Variants in BCKDHB observed in about 807,000 individuals in gnomAD.
The protein encoded by BCKDHB is 2-oxoisovalerate dehydrogenase subunit beta, mitochondrial.
In BCKDHB, 41 loss-of-function variants were observed where a neutral mutation model predicts 48.5. That is an observed-to-expected ratio of 0.85 (90% CI 0.66 to 1.10). The LOEUF is 1.10. BCKDHB is among the 50% of genes least tolerant of loss of function. The pLI, the probability that BCKDHB is intolerant of heterozygous loss-of-function variation, is 0.00. For missense variants in BCKDHB, 496 were observed against 494.2 expected (o/e 1.00, Z -0.03); for synonymous variants, 201 against 174.8 (o/e 1.15, Z -1.18).
At chr6:80,409,779 G>C in the BCKDHB span, among the ~76,000 whole-genome samples, 1 of 151,104 alleles carries the variant, frequency 6.6e-6, no homozygotes, top group South Asian at 2.1e-4. Flanking sequence ...TTACTTCATA[G>C]ATTTTCCTCT....
chr6:80,253,458 A>G (rs532402674), intron 8 of BCKDHB, among the ~76,000 whole-genome samples: 1,914 of 152,146 alleles, frequency 0.013, 35 homozygotes, highest in African/African-American at 0.044. Flanking sequence ...CTTTCTGGAG[A>G]GAGTTTTATT....
the BCKDHB span, among the ~76,000 whole-genome samples, chr6:80,407,253 CTGTAGCCT>C: frequency 6.6e-6 from 1 of 152,154 alleles, no homozygotes; most frequent in South Asian, 2.1e-4. Flanking sequence ...GTTTTGGTTA[CTGTAGCCT>C]TGTAGCATAG....
chr6:80,214,487 T>C (rs1775078300), intron 8 of BCKDHB, among the ~76,000 whole-genome samples: 1 of 152,176 alleles, frequency 6.6e-6, no homozygotes, highest in South Asian at 2.1e-4. Flanking sequence ...ACTAGCTATT[T>C]TGTTTGAGGC....
the BCKDHB span, among the ~76,000 whole-genome samples, chr6:80,405,874 C>T: frequency 7.7e-3 from 1,174 of 152,176 alleles, 20 homozygotes; most frequent in African/African-American, 0.026. Context: ...ATGTGGAAAA[C>T]GAGCAGGTTT....
At chr6:80,203,699 T>C (rs1774506527) in intron 8 of BCKDHB, among the ~76,000 whole-genome samples, 1 of 152,136 alleles carries the variant, frequency 6.6e-6, no homozygotes, top group Non-Finnish European at 1.5e-5. Flanking sequence ...CTAAGGGTTA[T>C]GTGGAGATTC....
At chr6:80,349,519 C>T (rs945225490), downstream of BCKDHB, among the ~76,000 whole-genome samples, 1 of 152,038 alleles carries the variant, frequency 6.6e-6, no homozygotes, top group African/African-American at 2.4e-5. Flanking sequence ...TAAGAAAGAA[C>T]TTAGATTGGG....
chr6:80,299,375 C>T (rs563118010), intron 9 of BCKDHB, among the ~76,000 whole-genome samples: 15 of 152,228 alleles, frequency 9.9e-5, no homozygotes, highest in South Asian at 6.2e-4. Flanking sequence ...TGTTACCAGA[C>T]GCCACCACTT....
chr6:80,261,370 C>A (rs1777294797), intron 8 of BCKDHB, among the ~76,000 whole-genome samples: 1 of 152,048 alleles, frequency 6.6e-6, no homozygotes, highest in South Asian at 2.1e-4. Flanking sequence ...CAGGGGAAAG[C>A]ATCCTCACTG....
chr6:80,224,271 TATA>T (rs1775586343), intron 8 of BCKDHB, among the ~76,000 whole-genome samples: 1 of 152,212 alleles, frequency 6.6e-6, no homozygotes, highest in Non-Finnish European at 1.5e-5. Context: ...TTCTATCATG[TATA>T]ATAAACTGAT....
Position 80,273,188 on chromosome 6 carries a change from C to G in BCKDHB, c.1005C>G (p.Gly335=). The G allele has an allele frequency of 6.2e-7, 1 of 1,613,534 alleles. No individual in the cohort carries two copies. Among genetic ancestry groups the G allele is most frequent in the East Asian group, 2.2e-5 (1 of 44,844 alleles). Residue 335 remains glycine (G), a synonymous_variant, in exon 9 of 10, where the codon GGC becomes GGG. Transcript: ENST00000320393. ...TCAGTCACGAGGCTCCCTTGACAGG[C>G]GGCTTTGCATCGGAAATCAGCTCTA... The part of the protein sequence containing the change: ...LLISHEAPLT[G]GFASEISSTV...
intron 6 of BCKDHB, among the ~76,000 whole-genome samples, chr6:80,192,870 G>A (rs1773962245): frequency 6.7e-6 from 1 of 150,228 alleles, no homozygotes; most frequent in African/African-American, 2.5e-5. Flanking sequence ...CCAGGCTGGA[G>A]TGCAGTGGTG....
chr6:80,421,003 A>C, the BCKDHB span, among the ~76,000 whole-genome samples: 1 of 152,142 alleles, frequency 6.6e-6, no homozygotes, highest in Non-Finnish European at 1.5e-5. Flanking sequence ...TTACTGGAAT[A>C]CTGGAACCTC....
At chr6:80,307,515 A>T (rs1174964390) in intron 9 of BCKDHB, 1 of 984,628 alleles carries the variant, frequency 1.0e-6, no homozygotes, top group Non-Finnish European at 1.2e-6. Flanking sequence ...CCTCTGTTAA[A>T]TTTTCAGTAA....
At chr6:80,322,140 G>C (rs1768760090) in intron 9 of BCKDHB, among the ~76,000 whole-genome samples, 1 of 151,926 alleles carries the variant, frequency 6.6e-6, no homozygotes, top group African/African-American at 2.4e-5. Context: ...TGCCATCATT[G>C]CTCTTTTCTT....
chr6:80,358,335 A>G, the BCKDHB span, among the ~76,000 whole-genome samples: 1 of 152,154 alleles, frequency 6.6e-6, no homozygotes, highest in East Asian at 1.9e-4. Context: ...GCATTTTTTA[A>G]TCTTTCAGGC....
intron 9 of BCKDHB, among the ~76,000 whole-genome samples, chr6:80,297,457 A>C (rs1230170324): frequency 6.6e-6 from 1 of 152,312 alleles, no homozygotes; most frequent in East Asian, 1.9e-4. Flanking sequence ...CATCGCACAC[A>C]CACACACCAT....
chr6:80,259,251 C>G (rs1426786397), intron 8 of BCKDHB, among the ~76,000 whole-genome samples: 1 of 152,216 alleles, frequency 6.6e-6, no homozygotes. Context: ...GCTCACTGAT[C>G]AGCAGCTTGC....
downstream of BCKDHB, among the ~76,000 whole-genome samples, chr6:80,347,024 T>TC (rs1770231778): frequency 6.6e-6 from 1 of 152,134 alleles, no homozygotes; most frequent in Admixed American, 6.5e-5. Context: ...AGAACACTTT[T>TC]CTATAACTAC....
the BCKDHB span, among the ~76,000 whole-genome samples, chr6:80,363,369 T>G: frequency 1.3e-5 from 2 of 152,212 alleles, no homozygotes; most frequent in Non-Finnish European, 2.9e-5. Context: ...TTCCAAGGGT[T>G]AATATGTTTT....
Sources: gnomAD v4.1 joint callset for allele counts (sites outside exome capture counted in the v4.1 genomes callset) on GRCh38, gnomAD v4.1.1 for gene constraint, MANE v1.5 for transcripts, NCBI Gene and HGNC (gene_info 2026-07-23, HGNC 2026-07-21) for gene names.